The following LRRIQ1 variants were observed in gnomAD, a reference collection of about 807,000 sequenced individuals.
LRRIQ1 encodes the protein leucine rich repeats and IQ motif containing 1.
In LRRIQ1, 210 loss-of-function variants were observed where a neutral mutation model predicts 211.9. That is an observed-to-expected ratio of 0.99 (90% CI 0.89 to 1.11). The LOEUF is 1.11. Among genes scored for constraint, LRRIQ1 ranks in the 50% most tolerant of loss-of-function variants. LRRIQ1 has a pLI of 0.00. For synonymous variants in LRRIQ1, 699 were observed against 650.1 expected (o/e 1.08, Z -1.14); for missense variants, 2,136 against 1,939.5 (o/e 1.10, Z -1.90).
intron 24 of LRRIQ1, among the ~76,000 whole-genome samples, chr12:85,183,026 CA>C (rs1435310377): frequency 6.6e-6 from 1 of 152,164 alleles, no homozygotes; most frequent in East Asian, 1.9e-4. Context: ...GCTTTGGTTA[CA>C]TAGTTTTAAT....
intron 24 of LRRIQ1, among the ~76,000 whole-genome samples, chr12:85,192,241 C>T (rs1013971259): frequency 7.3e-5 from 11 of 150,556 alleles, no homozygotes; most frequent in African/African-American, 2.2e-4. Context: ...GCCACTTATA[C>T]ATGAGAACAA....
intron 23 of LRRIQ1, among the ~76,000 whole-genome samples, chr12:85,158,666 T>C (rs997513999): frequency 6.6e-6 from 1 of 151,990 alleles, no homozygotes; most frequent in African/African-American, 2.4e-5. Context: ...TGAAACATTT[T>C]TGAACATCTA....
At chr12:85,096,697 A>G (rs556483885) in intron 11 of LRRIQ1, among the ~76,000 whole-genome samples, 2 of 152,144 alleles carry the variant, frequency 1.3e-5, no homozygotes, top group African/African-American at 2.4e-5. Context: ...GTCAAATTTA[A>G]GTCTAGAATT....
rs773567424 is a variant in LRRIQ1, at chr12:85,124,271, A to G, written c.3759A>G (p.Ala1253=). 18 of 1,614,132 alleles carry G rather than the reference A, an allele frequency of 1.1e-5. No homozygotes were observed. In the South Asian group the frequency reaches 1.9e-4, roughly 17 times the overall value. The part of the protein sequence containing the change: ...TLQNGVFYSC[A]REGEPDSPDI... ...AAAATGGAGTCTTCTACTCTTGTGC[A>G]CGTGAAGGTGAGCCAGACTCACCAG... Residue 1253 remains alanine (A), a synonymous_variant, in exon 17 of 27, where the codon GCA becomes GCG. Transcript: ENST00000393217.
At chr12:85,238,477 G>C (rs939798546) in intron 26 of LRRIQ1, among the ~76,000 whole-genome samples, 1 of 151,858 alleles carries the variant, frequency 6.6e-6, no homozygotes, top group African/African-American at 2.4e-5. Context: ...AAAATTTAAA[G>C]CAGCTAAAGT....
At chr12:85,146,464 G>A (rs1370061893) in intron 19 of LRRIQ1, among the ~76,000 whole-genome samples, 2 of 151,734 alleles carry the variant, frequency 1.3e-5, no homozygotes, top group African/African-American at 4.8e-5. Context: ...GGGGATGGCA[G>A]GTCCATTAGT....
At chr12:85,121,144 C>G (rs576732403) in intron 15 of LRRIQ1, among the ~76,000 whole-genome samples, 1 of 151,826 alleles carries the variant, frequency 6.6e-6, no homozygotes, top group South Asian at 2.1e-4. Context: ...TAGACTTTTG[C>G]AAATACCTTG....
At chr12:85,270,066 C>T in the LRRIQ1 span, among the ~76,000 whole-genome samples, 4 of 151,948 alleles carry the variant, frequency 2.6e-5, no homozygotes, top group Non-Finnish European at 2.9e-5. Context: ...CCTAATCTAA[C>T]GTTATTACCT....
rs754839903 is a variant in LRRIQ1 at position 85,104,087 on chromosome 12, G to A, written c.3283+10G>A. Reference sequence around the variant, plus strand: ...CACAATTGTCTTTCTGGTAAGTTTAGCATAATATATATATTTTAATAATAG... The same window carrying A: ...CACAATTGTCTTTCTGGTAAGTTTAACATAATATATATATTTTAATAATAG... On this transcript the variant is annotated intron_variant, in intron 14 of 26. Transcript: ENST00000393217. 1.4e-6 allele frequency: 2 copies of A among 1,403,526 alleles called. No homozygotes were observed. Among genetic ancestry groups the A allele is most frequent in the Non-Finnish European group, 1.9e-6 (2 of 1,042,724 alleles). 86.9% of individuals were successfully genotyped at this position (1,403,526 alleles called of 1,614,324 possible).
intron 1 of LRRIQ1, among the ~76,000 whole-genome samples, chr12:85,250,934 A>ATATATAATATATTTTATATAT (rs1895916311): frequency 2.9e-5 from 2 of 68,648 alleles, no homozygotes; most frequent in African/African-American, 1.3e-4. Context: ...ATTATATATT[A>ATATATAATATATTTTATATAT]TATATAATAT....
chr12:85,158,657 G>A (rs1890692940), intron 23 of LRRIQ1, among the ~76,000 whole-genome samples: 1 of 151,874 alleles, frequency 6.6e-6, no homozygotes, highest in Non-Finnish European at 1.5e-5. Context: ...GGGGTTTCTT[G>A]AAACATTTTT....
chr12:85,192,397 T>C (rs1375783094), intron 24 of LRRIQ1, among the ~76,000 whole-genome samples: 1 of 136,806 alleles, frequency 7.3e-6, no homozygotes, highest in Non-Finnish European at 1.5e-5. Context: ...ATATAGTGTA[T>C]ATATATTTAT....
intron 1 of LRRIQ1, among the ~76,000 whole-genome samples, chr12:85,260,357 A>G (rs1181407825): frequency 6.6e-6 from 1 of 152,016 alleles, no homozygotes; most frequent in African/African-American, 2.4e-5. Context: ...ACATCTTTAT[A>G]CTAAGATAGT....
intron 18 of LRRIQ1, among the ~76,000 whole-genome samples, chr12:85,128,522 C>A (rs904133333): frequency 6.6e-6 from 1 of 152,058 alleles, no homozygotes; most frequent in Non-Finnish European, 1.5e-5. Flanking sequence ...ATTGCTTGAG[C>A]TCAGAAGTGT....
intron 24 of LRRIQ1, among the ~76,000 whole-genome samples, chr12:85,179,057 A>G (rs1320788423): frequency 6.6e-6 from 1 of 151,930 alleles, no homozygotes; most frequent in African/African-American, 2.4e-5. Context: ...TATGTAACCT[A>G]TGGTTACAGG....
intron 11 of LRRIQ1, among the ~76,000 whole-genome samples, chr12:85,085,903 A>C (rs1233104849): frequency 6.6e-6 from 1 of 152,198 alleles, no homozygotes; most frequent in Non-Finnish European, 1.5e-5. Flanking sequence ...TGAACATACA[A>C]GTGCAGATAT....
chr12:85,104,195 A>G, intron 14 of LRRIQ1, 118 bp downstream of exon 14: 1 of 434,972 alleles, frequency 2.3e-6, no homozygotes, highest in Non-Finnish European at 3.9e-6. Flanking sequence ...TAAACCTGTA[A>G]AATAAAGCAT....
At chr12:85,168,450 A>G (rs575821576) in intron 24 of LRRIQ1, among the ~76,000 whole-genome samples, 1 of 152,312 alleles carries the variant, frequency 6.6e-6, no homozygotes, top group East Asian at 1.9e-4. Context: ...CAAAGTAGCC[A>G]GGTGGCAATC....
At chr12:85,187,936 T>C (rs1416019401) in intron 24 of LRRIQ1, among the ~76,000 whole-genome samples, 2 of 152,014 alleles carry the variant, frequency 1.3e-5, no homozygotes, top group African/African-American at 4.8e-5. Context: ...GATTAGACCT[T>C]ACCAAAGAAC....
Sources: allele counts gnomAD v4.1 joint callset (sites outside exome capture counted in the v4.1 genomes callset), GRCh38; gene constraint gnomAD v4.1.1; transcripts MANE v1.5; gene names NCBI Gene and HGNC (gene_info 2026-07-23, HGNC 2026-07-21).